Variants in IGSF11 observed in about 807,000 individuals in gnomAD.
IGSF11 encodes CXADR like 1.
IGSF11 carries 22 observed loss-of-function variants against 41.0 expected under a neutral mutation model. The ratio of observed to expected loss-of-function variants is 0.54; its 90% CI spans 0.38 to 0.77. IGSF11 has a LOEUF of 0.77. Ranked by LOEUF, IGSF11 falls within the 30% of genes least tolerant of loss-of-function variation. The probability of loss-of-function intolerance (pLI) is 0.00; values close to 1 mark genes in which losing one functional copy is unlikely to be tolerated. For synonymous variants in IGSF11, 219 were observed against 201.3 expected (o/e 1.09, Z -0.74); for missense variants, 444 against 530.8 (o/e 0.84, Z 1.61).
At chr3:119,121,744 T>C (rs1244235303) in intron 1 of IGSF11, among the ~76,000 whole-genome samples, 1 of 152,046 alleles carries the variant, frequency 6.6e-6, no homozygotes, top group East Asian at 1.9e-4. Context: ...CTCAGAGATT[T>C]CCACCAAGAC....
At chr3:119,099,427 G>A (rs2076906563) in intron 1 of IGSF11, among the ~76,000 whole-genome samples, 1 of 152,180 alleles carries the variant, frequency 6.6e-6, no homozygotes, top group South Asian at 2.1e-4. Flanking sequence ...TCTATTGGTG[G>A]TACAAATTCA....
intron 1 of IGSF11, among the ~76,000 whole-genome samples, chr3:119,033,318 G>A (rs1940595770): frequency 6.6e-6 from 1 of 152,124 alleles, no homozygotes; most frequent in Non-Finnish European, 1.5e-5. Context: ...AAAGTAGTAG[G>A]ACAGAGAGAA....
chr3:119,141,853 C>T (rs2077651892), intron 1 of IGSF11, among the ~76,000 whole-genome samples: 1 of 151,934 alleles, frequency 6.6e-6, no homozygotes, highest in South Asian at 2.1e-4. Flanking sequence ...AGAGGGCATT[C>T]CTCAAAAACA....
intron 1 of IGSF11, among the ~76,000 whole-genome samples, chr3:119,129,068 C>T (rs1465889658): frequency 6.6e-6 from 1 of 152,154 alleles, no homozygotes; most frequent in Non-Finnish European, 1.5e-5. Flanking sequence ...GAACAGAAAA[C>T]CAAACACCGC....
intron 1 of IGSF11, among the ~76,000 whole-genome samples, chr3:119,084,172 G>A: frequency 6.6e-6 from 1 of 152,076 alleles, no homozygotes; most frequent in Non-Finnish European, 1.5e-5. Context: ...AGAAAGACAA[G>A]GATTTTGTCT....
intron 1 of IGSF11, among the ~76,000 whole-genome samples, chr3:119,136,240 A>G (rs1029296522): frequency 1.3e-5 from 2 of 152,136 alleles, no homozygotes; most frequent in African/African-American, 4.8e-5. Flanking sequence ...GAAGACAGAA[A>G]GGAAAGAAAG....
Position 118,934,259 on chromosome 3 carries a change from T to C in IGSF11, c.53-3984A>G, listed in dbSNP as rs976032159. Among the ~76,000 whole-genome samples, 48 of 152,300 alleles carry C rather than the reference T, an allele frequency of 3.2e-4. 1 individual carries two copies. Among genetic ancestry groups the C allele is most frequent in the South Asian group, 1.2e-3 (6 of 4,820 alleles). On this transcript the variant is annotated intron_variant, in intron 1 of 6. Transcript: ENST00000393775. ...TCCCAGATACCTCCTTGTGGCTGTATGACACTTGTAATCATTCTTGGACTC... is the reference window on the plus strand; with the variant it reads ...TCCCAGATACCTCCTTGTGGCTGTACGACACTTGTAATCATTCTTGGACTC...
At chr3:119,103,119 T>G (rs755130213) in intron 1 of IGSF11, among the ~76,000 whole-genome samples, 7 of 151,712 alleles carry the variant, frequency 4.6e-5, no homozygotes, top group Admixed American at 2.6e-4. Context: ...TGCCTCAGTC[T>G]CCCAAGTAGC....
In IGSF11 at chr3:119,122,463, C is replaced by T. The variant is rs573605759; in HGVS notation, c.-13-17258G>A. Among the ~76,000 whole-genome samples, 9 of 152,310 alleles carry T rather than the reference C, an allele frequency of 5.9e-5. No homozygotes were observed. In the South Asian group the frequency reaches 6.2e-4, roughly 11 times the overall value. ...ACTGGGGCCCTAAATAAACTTGAAA[C>T]GAAGTCTAGGCCACAAGGACTGCAA... On this transcript the variant is annotated intron_variant, in intron 1 of 7. Transcript: ENST00000425327.
In IGSF11 at chr3:118,910,322, T is replaced by C. The variant is rs1446400448; in HGVS notation, c.581-4604A>G. On this transcript the variant is annotated intron_variant, in intron 4 of 6. Coordinates refer to ENST00000393775, the MANE Select transcript of IGSF11 (RefSeq NM_001015887.3). ...TTCTCTTCTGAGTTAAGATGGTTAC[T>C]GTTGATTCAGTGCCCCACAACAGGA... Among the ~76,000 whole-genome samples, 8 of 152,366 alleles carry C rather than the reference T, an allele frequency of 5.3e-5. 1 individual carries two copies. The South Asian group carries it at 8.3e-4, about 16-fold the overall frequency.
At chr3:119,129,323 G>T (rs150576421) in intron 1 of IGSF11, among the ~76,000 whole-genome samples, 1 of 152,000 alleles carries the variant, frequency 6.6e-6, no homozygotes, top group Non-Finnish European at 1.5e-5. Flanking sequence ...TCATCTAAAG[G>T]TATAAAATTC....
chr3:119,078,019 A>G (rs928497001), intron 1 of IGSF11, among the ~76,000 whole-genome samples: 5 of 152,230 alleles, frequency 3.3e-5, no homozygotes, highest in African/African-American at 1.2e-4. Context: ...GAAATCAGCA[A>G]TGGCACAAAC....
intron 1 of IGSF11, among the ~76,000 whole-genome samples, chr3:118,938,753 T>C (rs1943465953): frequency 6.6e-6 from 1 of 152,154 alleles, no homozygotes; most frequent in African/African-American, 2.4e-5. Flanking sequence ...AGGTAACTTA[T>C]AAGATAATAT....
At chr3:119,017,054 A>C (rs2107705367) in intron 1 of IGSF11, among the ~76,000 whole-genome samples, 1 of 152,026 alleles carries the variant, frequency 6.6e-6, no homozygotes, top group South Asian at 2.1e-4. Flanking sequence ...AAAAAAAAAA[A>C]AAAGCCAACT....
chr3:119,101,580 A>G (rs80349662), intron 1 of IGSF11, among the ~76,000 whole-genome samples: 2,447 of 152,312 alleles, frequency 0.016, 81 homozygotes, highest in African/African-American at 0.056. Flanking sequence ...AAGGTATACA[A>G]TAAAATGTAT....
intron 4 of IGSF11, among the ~76,000 whole-genome samples, chr3:118,924,652 A>G (rs1033763601): frequency 9.2e-5 from 14 of 152,172 alleles, no homozygotes; most frequent in African/African-American, 3.4e-4. Context: ...TGACTGATAT[A>G]CACTCATCCA....
At position 118,969,608 on chromosome 3, in the gene IGSF11, C is replaced by T. The variant is rs575223851; in HGVS notation, c.53-39333G>A. 3.3e-5 allele frequency among the ~76,000 whole-genome samples: 5 copies of T among 152,246 alleles called. No individual in the cohort carries two copies. The East Asian group carries it at 9.7e-4, about 29-fold the overall frequency. ...TGAACTAGAGCAGCAGGTACTAGGGCAAAGCAAAAACTCAGGTGTGCAAGC... is the reference window on the plus strand; with the variant it reads ...TGAACTAGAGCAGCAGGTACTAGGGTAAAGCAAAAACTCAGGTGTGCAAGC... On this transcript the variant is annotated intron_variant, in intron 1 of 6. Coordinates refer to ENST00000393775, the MANE Select transcript of IGSF11 (RefSeq NM_001015887.3).
chr3:119,093,303 T>G (rs957202925), intron 1 of IGSF11, among the ~76,000 whole-genome samples: 1 of 152,142 alleles, frequency 6.6e-6, no homozygotes, highest in African/African-American at 2.4e-5. Context: ...TTACACTGCA[T>G]CAGCTTCATA....
chr3:119,063,863 G>A (rs1414362172), intron 1 of IGSF11, among the ~76,000 whole-genome samples: 1 of 152,222 alleles, frequency 6.6e-6, no homozygotes, highest in Non-Finnish European at 1.5e-5. Context: ...TCAAATGTGA[G>A]TGTCTTCACT....
Sources: gnomAD v4.1 joint callset for allele counts (sites outside exome capture counted in the v4.1 genomes callset) on GRCh38, gnomAD v4.1.1 for gene constraint, MANE v1.5 for transcripts, NCBI Gene and HGNC (gene_info 2026-07-23, HGNC 2026-07-21) for gene names.